The following ESRRG variants were observed in gnomAD, a reference collection of about 807,000 sequenced individuals.
The protein encoded by ESRRG is estrogen related receptor gamma.
ESRRG carries 13 observed loss-of-function variants against 44.0 expected under a neutral mutation model. The observed-to-expected ratio is 0.30, with a 90% CI of 0.19 to 0.47. The LOEUF is 0.47. Ranked by LOEUF, ESRRG falls within the 20% of genes least tolerant of loss-of-function variation. The pLI is 1.00. For missense variants in ESRRG, 395 were observed against 580.6 expected (o/e 0.68, Z 3.29); for synonymous variants, 215 against 214.6 (o/e 1.00, Z -0.02).
intron 3 of ESRRG, among the ~76,000 whole-genome samples, chr1:216,629,640 C>A (rs1327950244): frequency 1.3e-5 from 2 of 152,104 alleles, no homozygotes; most frequent in African/African-American, 4.8e-5. Flanking sequence ...ATTAATGTTC[C>A]TCTTGTGGGT....
At chr1:217,068,352 TC>T (rs2090072935) in intron 1 of ESRRG, among the ~76,000 whole-genome samples, 1 of 109,546 alleles carries the variant, frequency 9.1e-6, no homozygotes, top group Admixed American at 8.7e-5. Flanking sequence ...ATCTTAGGAG[TC>T]TTTTTTTTTT....
chr1:216,798,285 C>T (rs538652146), intron 2 of ESRRG, among the ~76,000 whole-genome samples: 1 of 152,118 alleles, frequency 6.6e-6, no homozygotes, highest in Non-Finnish European at 1.5e-5. Flanking sequence ...ATAGTGCCAT[C>T]CAATTTAGCT....
In ESRRG at chr1:216,669,793, G is replaced by A. The variant is rs142200551; in HGVS notation, c.472+7283C>T. 8.4e-3 allele frequency among the ~76,000 whole-genome samples: 1,275 copies of A among 152,172 alleles called. 20 individuals are homozygous for A. Among genetic ancestry groups the A allele is most frequent in the African/African-American group, 0.029 (1,204 of 41,518 alleles). On this transcript the variant is annotated intron_variant, in intron 2 of 6. Coordinates refer to ENST00000408911, the MANE Select transcript of ESRRG (RefSeq NM_001438.4). ...CCTAGCTACTTGGGAAGCTGAGGCA[G>A]GAGAATCACTTGAACCCAGGAGGTG...
intron 1 of ESRRG, among the ~76,000 whole-genome samples, chr1:216,956,254 C>T (rs1382548263): frequency 2.0e-5 from 3 of 152,050 alleles, no homozygotes; most frequent in Admixed American, 1.3e-4. Context: ...CAATCTTCTG[C>T]ATATAGATAT....
At chr1:216,600,966 C>G (rs2059143059) in intron 3 of ESRRG, among the ~76,000 whole-genome samples, 1 of 152,196 alleles carries the variant, frequency 6.6e-6, no homozygotes. Context: ...GATAAAATAG[C>G]ATCTCAAATT....
chr1:216,584,406 G>A (rs1347606424), intron 3 of ESRRG, among the ~76,000 whole-genome samples: 15 of 151,762 alleles, frequency 9.9e-5, no homozygotes, highest in African/African-American at 2.7e-4. Flanking sequence ...ACAGGCGCCC[G>A]CCACCTCACC....
intron 2 of ESRRG, among the ~76,000 whole-genome samples, chr1:216,755,522 A>G (rs1174988614): frequency 6.6e-6 from 1 of 152,066 alleles, no homozygotes; most frequent in Non-Finnish European, 1.5e-5. Flanking sequence ...ATTCAATAGC[A>G]TATTATACTG....
At chr1:216,537,853 G>A (rs145886964) in intron 5 of ESRRG, among the ~76,000 whole-genome samples, 196 of 152,184 alleles carry the variant, frequency 1.3e-3, no homozygotes, top group African/African-American at 4.5e-3. Flanking sequence ...TTGTACCGAT[G>A]CCATTTGAGA....
intron 2 of ESRRG, among the ~76,000 whole-genome samples, chr1:216,675,734 A>G (rs930606512): frequency 1.3e-5 from 2 of 152,056 alleles, no homozygotes; most frequent in African/African-American, 4.8e-5. Flanking sequence ...GGGAACTTGC[A>G]TTTCTTACAT....
intron 1 of ESRRG, among the ~76,000 whole-genome samples, chr1:217,046,638 C>T (rs995806374): frequency 2.0e-5 from 3 of 152,100 alleles, no homozygotes; most frequent in African/African-American, 4.8e-5. Context: ...AATCCCAACA[C>T]TTCAGGAGGC....
intron 2 of ESRRG, among the ~76,000 whole-genome samples, chr1:216,895,378 C>T (rs1486953650): frequency 6.6e-6 from 1 of 152,060 alleles, no homozygotes; most frequent in Non-Finnish European, 1.5e-5. Flanking sequence ...TGATAGAAGG[C>T]ACATCATGAC....
chr1:216,815,185 G>T (rs2095095182), intron 2 of ESRRG, among the ~76,000 whole-genome samples: 1 of 152,136 alleles, frequency 6.6e-6, no homozygotes, highest in Non-Finnish European at 1.5e-5. Flanking sequence ...CAAAAGCATT[G>T]CACACACTGA....
At chr1:217,104,916 G>A (rs1456620198) in intron 1 of ESRRG, among the ~76,000 whole-genome samples, 2 of 152,120 alleles carry the variant, frequency 1.3e-5, no homozygotes, top group Non-Finnish European at 2.9e-5. Flanking sequence ...ACAAATCTTG[G>A]GGAAAGTTCA....
chr1:216,543,153 A>G (rs12757147), intron 5 of ESRRG, among the ~76,000 whole-genome samples: 30,961 of 151,998 alleles, frequency 0.2, 3,975 homozygotes, highest in Non-Finnish European at 0.28. Context: ...ACAATCTTCA[A>G]ATCACTGACA....
At chr1:216,739,486 C>T (rs1431284450) in intron 2 of ESRRG, among the ~76,000 whole-genome samples, 1 of 152,158 alleles carries the variant, frequency 6.6e-6, no homozygotes, top group Non-Finnish European at 1.5e-5. Flanking sequence ...TCTAAAAATG[C>T]AAATCATTTG....
intron 1 of ESRRG, among the ~76,000 whole-genome samples, chr1:216,705,648 C>T (rs373544178): frequency 6.6e-6 from 1 of 152,186 alleles, no homozygotes; most frequent in Non-Finnish European, 1.5e-5. Flanking sequence ...AAATCGAATG[C>T]TTTCATGCAT....
At chr1:216,832,256 T>C (rs1055357860) in intron 2 of ESRRG, among the ~76,000 whole-genome samples, 3 of 152,190 alleles carry the variant, frequency 2.0e-5, no homozygotes, top group Admixed American at 2.0e-4. Context: ...TAGCAAAAAG[T>C]AAAACATTAG....
chr1:217,041,795 T>C (rs1219829178), intron 1 of ESRRG, among the ~76,000 whole-genome samples: 3 of 152,246 alleles, frequency 2.0e-5, no homozygotes, highest in Non-Finnish European at 4.4e-5. Flanking sequence ...TAATTAGAAT[T>C]AGATATTGGT....
chr1:216,962,095 G>A lies in ESRRG; in HGVS notation c.-105-22422C>T, dbSNP rs577190958. On this transcript the variant is annotated intron_variant, in intron 1 of 7. Transcript: ENST00000359162. Reference sequence around the variant, plus strand: ...AGTGCTTTCTGCTATTTTTTTAACTGCAAATAGAAAGTCCAGTTTTTAAGC... The same window carrying A: ...AGTGCTTTCTGCTATTTTTTTAACTACAAATAGAAAGTCCAGTTTTTAAGC... 9.2e-5 allele frequency among the ~76,000 whole-genome samples: 14 copies of A among 151,938 alleles called. No individual in the cohort carries two copies. The South Asian group carries it at 2.5e-3, about 27-fold the overall frequency.
Sources: gnomAD v4.1 joint callset for allele counts (sites outside exome capture counted in the v4.1 genomes callset) on GRCh38, gnomAD v4.1.1 for gene constraint, MANE v1.5 for transcripts, NCBI Gene and HGNC (gene_info 2026-07-23, HGNC 2026-07-21) for gene names.